The following PAPPA2 variants were observed in gnomAD, a reference collection of about 807,000 sequenced individuals.
PAPPA2 encodes pappalysin 2, also known as pappalysin-2.
Under a neutral mutation model 176.4 loss-of-function variants are expected in PAPPA2, and 86 were observed. The ratio of observed to expected loss-of-function variants is 0.49; its 90% CI spans 0.41 to 0.58. The LOEUF (loss-of-function observed/expected upper bound fraction) is 0.58, where lower values mean the gene tolerates loss of function less well. Among genes scored for constraint, PAPPA2 ranks in the 20% least tolerant of loss-of-function variants. The pLI is 0.00. For missense variants in PAPPA2, 2,073 were observed against 2,256.9 expected, an observed-to-expected ratio of 0.92 and a Z score of 1.65; for synonymous variants, 809 against 852.2, an observed-to-expected ratio of 0.95 and a Z score of 0.88.
chr1:176,833,822 G>A (rs1051791841), intron 21 of PAPPA2, among the ~76,000 whole-genome samples: 3 of 150,796 alleles, frequency 2.0e-5, no homozygotes, highest in African/African-American at 7.4e-5. Flanking sequence ...ATATATATGT[G>A]TATATATATG....
chr1:176,765,054 G>A (rs1489555911), intron 14 of PAPPA2, among the ~76,000 whole-genome samples: 1 of 152,220 alleles, frequency 6.6e-6, no homozygotes. Flanking sequence ...TCCTCTTCCA[G>A]TAATCGGTTC....
intron 3 of PAPPA2, among the ~76,000 whole-genome samples, chr1:176,663,397 C>T (rs12071948): frequency 0.17 from 26,511 of 152,052 alleles, 2,466 homozygotes; most frequent in Middle Eastern, 0.23. Context: ...TGAAAGATCA[C>T]ACTTGCTTTC....
At chr1:176,684,834 T>G (rs1659758152) in intron 4 of PAPPA2, among the ~76,000 whole-genome samples, 1 of 152,194 alleles carries the variant, frequency 6.6e-6, no homozygotes, top group Admixed American at 6.5e-5. Flanking sequence ...TTCAGACTGC[T>G]AGGAATAAGT....
intron 21 of PAPPA2, among the ~76,000 whole-genome samples, chr1:176,825,739 C>T (rs780596799): frequency 2.4e-4 from 37 of 152,168 alleles, no homozygotes; most frequent in Admixed American, 2.0e-4. Context: ...AACCATGTTA[C>T]GTATTATATC....
chr1:176,528,868 C>A (rs900985345), intron 1 of PAPPA2, among the ~76,000 whole-genome samples: 1 of 152,200 alleles, frequency 6.6e-6, no homozygotes, highest in Non-Finnish European at 1.5e-5. Context: ...TTTCCTCCAA[C>A]CTACCTTATC....
chr1:176,691,479 A>G (rs1381141816), intron 5 of PAPPA2, among the ~76,000 whole-genome samples: 3 of 152,214 alleles, frequency 2.0e-5, no homozygotes, highest in Admixed American at 2.0e-4. Flanking sequence ...TGCAGAGGGC[A>G]GAGCTCTGGA....
At chr1:176,755,954 T>C (rs1369802777) in intron 14 of PAPPA2, among the ~76,000 whole-genome samples, 1 of 152,162 alleles carries the variant, frequency 6.6e-6, no homozygotes, top group Non-Finnish European at 1.5e-5. Context: ...ACAAAATATA[T>C]TTACAAATTA....
intron 3 of PAPPA2, among the ~76,000 whole-genome samples, chr1:176,639,082 A>G (rs1189374467): frequency 1.3e-5 from 2 of 151,954 alleles, no homozygotes; most frequent in Non-Finnish European, 2.9e-5. Flanking sequence ...AGATGAGGCT[A>G]AACAGAAGAC....
Position 176,595,554 on chromosome 1 carries a change from T to A in PAPPA2, c.1950T>A (p.Ala650=). ...DDGDCCDPQV[A]DVRKTCFDPD... is the part of the protein sequence containing the mutation. ...GAGACTGCTGCGACCCCCAGGTGGCTGATGTGCGCAAGACCTGCTTTGACC... is the reference window on the plus strand; with the variant it reads ...GAGACTGCTGCGACCCCCAGGTGGCAGATGTGCGCAAGACCTGCTTTGACC... Residue 650 remains alanine (A), a synonymous_variant, in exon 3 of 23, where the codon GCT becomes GCA. Coordinates refer to ENST00000367662, the MANE Select transcript of PAPPA2 (RefSeq NM_020318.3). 6.2e-7 allele frequency: 1 copy of A among 1,613,950 alleles called. No individual in the cohort carries two copies. The highest frequency in any genetic ancestry group is 8.5e-7 in the Non-Finnish European group (1 of 1,179,994).
At chr1:176,479,787 C>T (rs1295446188) in intron 1 of PAPPA2, among the ~76,000 whole-genome samples, 2 of 152,218 alleles carry the variant, frequency 1.3e-5, no homozygotes, top group South Asian at 2.1e-4. Context: ...AAATTCCCTT[C>T]TCCAAGCACT....
chr1:176,810,821 T>C (rs1666117318), intron 21 of PAPPA2, among the ~76,000 whole-genome samples: 1 of 152,188 alleles, frequency 6.6e-6, no homozygotes, highest in African/African-American at 2.4e-5. Flanking sequence ...TACTTGCAGG[T>C]GCAGGATTCG....
intron 1 of PAPPA2, among the ~76,000 whole-genome samples, chr1:176,515,485 A>C (rs1648858181): frequency 6.6e-6 from 1 of 152,332 alleles, no homozygotes; most frequent in Non-Finnish European, 1.5e-5. Context: ...GAGCAACCAC[A>C]GTGGAAGGAC....
chr1:176,600,749 C>T (rs970261624), intron 3 of PAPPA2, among the ~76,000 whole-genome samples: 2 of 151,534 alleles, frequency 1.3e-5, no homozygotes, highest in African/African-American at 4.8e-5. Context: ...TGAAGGGACT[C>T]AACTTTGAGA....
At chr1:176,619,421 T>C (rs552344336) in intron 3 of PAPPA2, among the ~76,000 whole-genome samples, 5 of 152,188 alleles carry the variant, frequency 3.3e-5, no homozygotes, top group Non-Finnish European at 7.3e-5. Flanking sequence ...TGAATGACGT[T>C]AGATTCCTGA....
chr1:176,573,835 T>C (rs1448393846), intron 2 of PAPPA2, among the ~76,000 whole-genome samples: 1 of 152,108 alleles, frequency 6.6e-6, no homozygotes, highest in Admixed American at 6.6e-5. Flanking sequence ...GATGAAAAGC[T>C]GGCATGCTTT....
intron 1 of PAPPA2, among the ~76,000 whole-genome samples, chr1:176,494,639 G>T (rs901802641): frequency 1.2e-4 from 18 of 152,094 alleles, no homozygotes; most frequent in Admixed American, 5.2e-4. Flanking sequence ...TTTGGCCTGG[G>T]CTATAGACAT....
chr1:176,520,477 A>T (rs1334981872), intron 1 of PAPPA2, among the ~76,000 whole-genome samples: 1 of 152,218 alleles, frequency 6.6e-6, no homozygotes, highest in Non-Finnish European at 1.5e-5. Context: ...ACTTCCAGTG[A>T]TACATGGCTA....
rs1297029656 is a variant in PAPPA2, at chr1:176,746,696, A to C, written c.4151+6500A>C. On this transcript the variant is annotated intron_variant, in intron 14 of 22. Transcript: ENST00000367662. ...TCAGTATAAATACACATTCTGATTGAGATGGAAAACAAGTAATAGATACTC... is the reference window on the plus strand; with the variant it reads ...TCAGTATAAATACACATTCTGATTGCGATGGAAAACAAGTAATAGATACTC... Among the ~76,000 whole-genome samples, 4 of 152,232 alleles carry C rather than the reference A, an allele frequency of 2.6e-5. No individual in the cohort carries two copies. In the East Asian group the frequency reaches 5.8e-4, roughly 22 times the overall value.
At chr1:176,679,368 G>A (rs976880446) in intron 4 of PAPPA2, among the ~76,000 whole-genome samples, 2 of 151,896 alleles carry the variant, frequency 1.3e-5, no homozygotes, top group Admixed American at 1.3e-4. Context: ...CTACTTAACA[G>A]GTGTCTCATC....
Sources: gnomAD v4.1 joint callset for allele counts (sites outside exome capture counted in the v4.1 genomes callset) on GRCh38, gnomAD v4.1.1 for gene constraint, MANE v1.5 for transcripts, NCBI Gene and HGNC (gene_info 2026-07-23, HGNC 2026-07-21) for gene names.